Variants in ADAMTS17 observed in about 807,000 individuals in gnomAD.
ADAMTS17 encodes the protein A disintegrin and metalloproteinase with thrombospondin motifs 17.
In ADAMTS17, 113 loss-of-function variants were observed where a neutral mutation model predicts 141.5. The ratio of observed to expected loss-of-function variants is 0.80; its 90% CI spans 0.69 to 0.93. The LOEUF (loss-of-function observed/expected upper bound fraction) is 0.93. Ranked by LOEUF, ADAMTS17 falls within the 40% of genes least tolerant of loss-of-function variation. ADAMTS17 has a pLI of 0.00. For synonymous variants in ADAMTS17, 768 were observed against 630.6 expected, an observed-to-expected ratio of 1.22 and a Z score of -3.27; for missense variants, 1,659 against 1,517.9, an observed-to-expected ratio of 1.09 and a Z score of -1.54.
At chr15:100,331,108 C>T (rs1235345092) in intron 2 of ADAMTS17, 54 bp from the exon 3 acceptor site, 14 of 1,607,864 alleles carry the variant, frequency 8.7e-6, no homozygotes, top group South Asian at 3.3e-5. Flanking sequence ...TCACACACGC[C>T]CATGGCCCCC....
intron 10 of ADAMTS17, among the ~76,000 whole-genome samples, chr15:100,137,330 A>T (rs1596530934): frequency 6.6e-6 from 1 of 152,214 alleles, no homozygotes; most frequent in East Asian, 1.9e-4. Context: ...CTATATGTAC[A>T]TCAATGTCTT....
chr15:100,210,375 G>A (rs1003032346), intron 7 of ADAMTS17, among the ~76,000 whole-genome samples: 1 of 151,934 alleles, frequency 6.6e-6, no homozygotes, highest in Admixed American at 6.6e-5. Flanking sequence ...AGTCCCATGC[G>A]GGATCTCATT....
intron 7 of ADAMTS17, among the ~76,000 whole-genome samples, chr15:100,205,925 C>T (rs984461404): frequency 1.3e-5 from 2 of 152,186 alleles, no homozygotes; most frequent in African/African-American, 2.4e-5. Flanking sequence ...GGTCTGGCCC[C>T]TCCAGAGGGC....
At chr15:100,153,863 T>G (rs1346303190) in intron 9 of ADAMTS17, among the ~76,000 whole-genome samples, 2 of 152,094 alleles carry the variant, frequency 1.3e-5, no homozygotes, top group African/African-American at 2.4e-5. Context: ...TTGTCACCAG[T>G]GCTGTGTACA....
intron 9 of ADAMTS17, among the ~76,000 whole-genome samples, chr15:100,153,461 G>T (rs1005355813): frequency 6.6e-6 from 1 of 151,832 alleles, no homozygotes; most frequent in African/African-American, 2.4e-5. Flanking sequence ...GCCAACATGG[G>T]GAAACTCCTG....
intron 4 of ADAMTS17, among the ~76,000 whole-genome samples, chr15:100,276,734 C>G (rs12914809): frequency 0.11 from 17,278 of 152,148 alleles, 1,063 homozygotes; most frequent in Non-Finnish European, 0.14. Flanking sequence ...ACGTTCTGCT[C>G]TATGTTCCAG....
chr15:100,230,818 T>TATCTCAGCAGGAGAAGCAAA (rs11276213), intron 7 of ADAMTS17, among the ~76,000 whole-genome samples: 1 of 151,964 alleles, frequency 6.6e-6, no homozygotes, highest in Non-Finnish European at 1.5e-5. Flanking sequence ...TTCGGAAACA[T>TATCTCAGCAGGAGAAGCAAA]GTCCACTGTT....
chr15:100,017,165 G>A (rs1455800191), intron 18 of ADAMTS17, among the ~76,000 whole-genome samples: 3 of 152,184 alleles, frequency 2.0e-5, no homozygotes, highest in Non-Finnish European at 4.4e-5. Context: ...GGCAGTCACA[G>A]GCCTCACCCA....
chr15:100,015,047 G>T (rs1396880415), intron 18 of ADAMTS17, among the ~76,000 whole-genome samples: 1 of 152,182 alleles, frequency 6.6e-6, no homozygotes, highest in Non-Finnish European at 1.5e-5. Flanking sequence ...AAGCTCCAGT[G>T]TTAGGTGCAT....
intron 7 of ADAMTS17, among the ~76,000 whole-genome samples, chr15:100,224,278 C>T (rs1357696735): frequency 2.6e-5 from 4 of 152,206 alleles, no homozygotes; most frequent in Non-Finnish European, 5.9e-5. Flanking sequence ...AGAGCAGAGA[C>T]AGAGCAAATG....
chr15:100,240,737 A>G (rs145513908), intron 7 of ADAMTS17, among the ~76,000 whole-genome samples: 6 of 152,320 alleles, frequency 3.9e-5, no homozygotes, highest in African/African-American at 1.4e-4. Flanking sequence ...AAGACGCGGT[A>G]TAAGGCCAAG....
At chr15:100,008,515 C>T (rs913180203) in intron 18 of ADAMTS17, among the ~76,000 whole-genome samples, 8 of 152,192 alleles carry the variant, frequency 5.3e-5, no homozygotes, top group African/African-American at 9.7e-5. Context: ...GGCCAGGGCC[C>T]GGGGGCCCAG....
intron 7 of ADAMTS17, among the ~76,000 whole-genome samples, chr15:100,240,464 ACT>A (rs970819749): frequency 7.2e-5 from 11 of 152,032 alleles, no homozygotes; most frequent in Non-Finnish European, 2.9e-5. Context: ...TTGTCCTCCC[ACT>A]CTCTGCCAAA....
chr15:99,995,444 G>C (rs2060782253), intron 19 of ADAMTS17, among the ~76,000 whole-genome samples: 2 of 152,324 alleles, frequency 1.3e-5, no homozygotes, highest in African/African-American at 4.8e-5. Context: ...AGTGCTGCAG[G>C]CTGCTGAGGA....
intron 20 of ADAMTS17, among the ~76,000 whole-genome samples, chr15:99,983,249 A>G (rs962082062): frequency 2.6e-5 from 4 of 152,126 alleles, no homozygotes; most frequent in Non-Finnish European, 5.9e-5. Context: ...TCACACTGAC[A>G]GCTGCCGTGG....
At chr15:100,262,854 T>C (rs2043577680) in intron 4 of ADAMTS17, among the ~76,000 whole-genome samples, 1 of 150,212 alleles carries the variant, frequency 6.7e-6, no homozygotes, top group Admixed American at 6.6e-5. Context: ...ATACATCAAG[T>C]CTTATTGGAA....
At chr15:100,151,996 T>C (rs545243585) in intron 10 of ADAMTS17, among the ~76,000 whole-genome samples, 5 of 152,346 alleles carry the variant, frequency 3.3e-5, no homozygotes, top group Admixed American at 3.3e-4. Context: ...TGACTTGGTG[T>C]TGTCATCTGT....
intron 7 of ADAMTS17, among the ~76,000 whole-genome samples, chr15:100,249,519 G>T (rs1453447189): frequency 6.6e-6 from 1 of 152,234 alleles, no homozygotes; most frequent in Admixed American, 6.5e-5. Context: ...GTTGGGGGGA[G>T]ATGGAGGTCA....
At chr15:99,981,975 C>T (rs1050593194) in intron 20 of ADAMTS17, among the ~76,000 whole-genome samples, 6 of 152,158 alleles carry the variant, frequency 3.9e-5, no homozygotes, top group African/African-American at 7.2e-5. Context: ...GGGTGTCAGG[C>T]GGCAGGGGGA....
Sources: gnomAD v4.1 joint callset for allele counts (sites outside exome capture counted in the v4.1 genomes callset) on GRCh38, gnomAD v4.1.1 for gene constraint, MANE v1.5 for transcripts, NCBI Gene and HGNC (gene_info 2026-07-23, HGNC 2026-07-21) for gene names.